The following TMC2 variants were observed in gnomAD, a reference collection of about 807,000 sequenced individuals.
The protein encoded by TMC2 is transmembrane channel like 2.
In TMC2, 102 loss-of-function variants were observed where a neutral mutation model predicts 105.9. The observed-to-expected ratio is 0.96, with a 90% CI of 0.82 to 1.14. The LOEUF (loss-of-function observed/expected upper bound fraction) is 1.14, where lower values mean the gene tolerates loss of function less well. Among genes scored for constraint, TMC2 ranks in the 50% most tolerant of loss-of-function variants. TMC2 has a pLI of 0.00. For missense variants in TMC2, 1,093 were observed against 1,134.3 expected, an observed-to-expected ratio of 0.96 and a Z score of 0.52; for synonymous variants, 402 against 422.8, an observed-to-expected ratio of 0.95 and a Z score of 0.60.
chr20:2,596,710 A>T lies in TMC2; in HGVS notation c.1077-441A>T, dbSNP rs893612181. 3.4e-3 allele frequency among the ~76,000 whole-genome samples: 436 copies of T among 126,464 alleles called. 2 individuals are homozygous for T. Among genetic ancestry groups the T allele is most frequent in the African/African-American group, 9.3e-3 (343 of 36,780 alleles). The allele number at this position is 126,464 out of a possible 152,430, so 83.0% of individuals were successfully genotyped here. A position where few individuals can be genotyped will look rare whatever the true frequency, so the allele number is the denominator to read the frequency against. The stretch of plus-strand genomic sequence containing the variant: ...TGTTTTGCATTTTATATCAGAAAAA[A>T]ATATATATGTGTGTGTGTGTGTGTG... On this transcript the variant is annotated intron_variant, in intron 9 of 19. Transcript: ENST00000358864.
intron 10 of TMC2, among the ~76,000 whole-genome samples, chr20:2,599,539 A>ATTTTTTTTTTTTTTTTTTT: frequency 1.2e-5 from 1 of 85,514 alleles, no homozygotes; most frequent in Non-Finnish European, 2.1e-5. Flanking sequence ...CTTTAATTAC[A>ATTTTTTTTTTTTTTTTTTT]TTTTTTTTTT....
intron 7 of TMC2, among the ~76,000 whole-genome samples, chr20:2,590,736 T>C (rs536322186): frequency 6.6e-6 from 1 of 152,198 alleles, no homozygotes; most frequent in African/African-American, 2.4e-5. Flanking sequence ...GCAGGTGATA[T>C]GATTGTAAAC....
At chr20:2,541,801 G>A (rs2085891545) in intron 2 of TMC2, among the ~76,000 whole-genome samples, 1 of 151,918 alleles carries the variant, frequency 6.6e-6, no homozygotes, top group Non-Finnish European at 1.5e-5. Flanking sequence ...ATTAGTCCTG[G>A]ATAAAAAATT....
At chr20:2,589,200 C>G (rs924477078) in intron 7 of TMC2, among the ~76,000 whole-genome samples, 4 of 149,242 alleles carry the variant, frequency 2.7e-5, no homozygotes, top group African/African-American at 9.9e-5. Flanking sequence ...TCTAATTTTA[C>G]TTTCTGAGTA....
At chr20:2,597,110 G>A (rs1311631260) in intron 9 of TMC2, 41 bp from the exon 10 acceptor site, 1 of 1,590,510 alleles carries the variant, frequency 6.3e-7, no homozygotes, top group South Asian at 1.1e-5. Context: ...TGACACAGCA[G>A]AAAGAGGGCA....
At chr20:2,597,378 A>G (rs2086316553) in intron 10 of TMC2, 80 bp downstream of exon 10, 2 of 1,424,642 alleles carry the variant, frequency 1.4e-6, no homozygotes, top group Admixed American at 1.9e-5. Context: ...CAGCTGGGAC[A>G]TAGAAAATAA....
intron 9 of TMC2, among the ~76,000 whole-genome samples, chr20:2,596,357 C>T (rs2086306553): frequency 6.6e-6 from 1 of 152,142 alleles, no homozygotes; most frequent in South Asian, 2.1e-4. Flanking sequence ...CCGGGCCGGG[C>T]GTGGTGGCTC....
Position 2,610,454 on chromosome 20 carries a change from T to C in TMC2, c.1449T>C (p.Cys483=). Residue 483 remains cysteine (C), a synonymous_variant, in exon 12 of 20, where the codon TGT becomes TGC. Transcript: ENST00000358864. ...EIVMSLLGMF[C]PPLFETIAAL... is the part of the protein sequence containing the mutation. ...TGATGTCCCTGCTTGGAATGTTTTG[T>C]CCCCCTCTGTTTGAAACCATCGCTG... 1 of 1,612,684 alleles carries C rather than the reference T, an allele frequency of 6.2e-7. No individual in the cohort carries two copies. Among genetic ancestry groups the C allele is most frequent in the Non-Finnish European group, 8.5e-7 (1 of 1,179,342 alleles).
At chr20:2,634,914 T>C (rs1331622037) in intron 17 of TMC2, among the ~76,000 whole-genome samples, 1 of 152,186 alleles carries the variant, frequency 6.6e-6, no homozygotes, top group South Asian at 2.1e-4. Flanking sequence ...CCAAAGACCA[T>C]GGGGCTCCTC....
chr20:2,600,998 A>G (rs867362151), intron 10 of TMC2, among the ~76,000 whole-genome samples: 7 of 151,762 alleles, frequency 4.6e-5, no homozygotes, highest in Admixed American at 2.0e-4. Context: ...AAAAAAAAAA[A>G]AAAAAAAGAA....
intron 16 of TMC2, among the ~76,000 whole-genome samples, chr20:2,620,954 T>C (rs1459063700): frequency 6.6e-6 from 1 of 152,254 alleles, no homozygotes; most frequent in African/African-American, 2.4e-5. Flanking sequence ...ATCCTATGCC[T>C]GTCCCACCAT....
Position 2,536,709 on chromosome 20 carries a change from G to A in TMC2, c.34+54G>A, listed in dbSNP as rs539809134. The A allele has an allele frequency of 6.5e-6, 10 of 1,543,150 alleles. No individual in the cohort carries two copies. The Admixed American group carries it at 2.0e-4, about 30-fold the overall frequency. ...CCGCCCACAGGGTTCCTGGGCAGCA[G>A]CAGGGGATGGGGGAAGCACATATGG... On this transcript the variant is annotated intron_variant, in intron 1 of 19. Transcript: ENST00000358864.
chr20:2,595,297 G>A (rs1026690456), intron 9 of TMC2, among the ~76,000 whole-genome samples: 3 of 152,192 alleles, frequency 2.0e-5, no homozygotes, highest in African/African-American at 7.2e-5. Context: ...ACTGCCAAAA[G>A]GCCAGTGTGG....
intron 4 of TMC2, among the ~76,000 whole-genome samples, chr20:2,571,512 A>G (rs56199301): frequency 0.13 from 19,273 of 152,168 alleles, 1,517 homozygotes; most frequent in African/African-American, 0.21. Context: ...AGATGCTGGT[A>G]AGGGTGCGGA....
At chr20:2,597,088 G>T in intron 9 of TMC2, 63 bp from the exon 10 acceptor site, 1 of 1,569,468 alleles carries the variant, frequency 6.4e-7, no homozygotes, top group Non-Finnish European at 8.7e-7. Context: ...CTAGGCCAAG[G>T]TTCCCTGGGG....
At chr20:2,583,622 C>T (rs2086210990) in intron 7 of TMC2, among the ~76,000 whole-genome samples, 1 of 152,102 alleles carries the variant, frequency 6.6e-6, no homozygotes, top group Admixed American at 6.5e-5. Flanking sequence ...GCCGCCACGC[C>T]CTGCTAATTT....
rs780914884 is a variant in TMC2 at position 2,594,904 on chromosome 20, C to G, written c.1013C>G (p.Pro338Arg). Reference protein sequence around the residue: ...RTIGWLRYRLPMAYFMVGVSV... With the variant: ...RTIGWLRYRLRMAYFMVGVSV... ...ATCGGGTGGCTGAGGTACCGGCTGC[C>G]TATGGCTTACTTTATGGTGGGGGTC... Residue 338 changes from proline (P) to arginine (R), a missense_variant, in exon 9 of 20, where the codon CCT (proline) becomes CGT (arginine). Pro to Arg is a moderately radical substitution (Grantham distance 103). Transcript: ENST00000358864. 6.2e-7 allele frequency: 1 copy of G among 1,614,152 alleles called. No individual in the cohort carries two copies. The highest frequency in any genetic ancestry group is 8.5e-7 in the Non-Finnish European group (1 of 1,180,036).
At chr20:2,537,347 C>G in intron 2 of TMC2, 31 bp downstream of exon 2, 1 of 1,567,070 alleles carries the variant, frequency 6.4e-7, no homozygotes, top group Non-Finnish European at 8.7e-7. Flanking sequence ...CTCTGGGGAG[C>G]CTGCAGTGCC....
At chr20:2,562,956 GAAAGA>G (rs1415477469) in intron 4 of TMC2, among the ~76,000 whole-genome samples, 2 of 151,600 alleles carry the variant, frequency 1.3e-5, no homozygotes, top group Non-Finnish European at 1.5e-5. Flanking sequence ...AAAAAAAAAA[GAAAGA>G]AAAGAAAAGA....
Sources: gnomAD v4.1 joint callset for allele counts (sites outside exome capture counted in the v4.1 genomes callset) on GRCh38, gnomAD v4.1.1 for gene constraint, MANE v1.5 for transcripts, NCBI Gene and HGNC (gene_info 2026-07-23, HGNC 2026-07-21) for gene names.